The following MEMO1 variants were observed in gnomAD, a reference collection of about 807,000 sequenced individuals.
MEMO1 encodes protein MEMO1.
Under a neutral mutation model 45.2 loss-of-function variants are expected in MEMO1, and 6 were observed. That is an observed-to-expected ratio of 0.13 (90% CI 0.07 to 0.26). MEMO1 has a LOEUF of 0.26. Ranked by LOEUF, MEMO1 falls within the 10% of genes least tolerant of loss-of-function variation. The probability of loss-of-function intolerance (pLI) is 1.00; values close to 1 mark genes in which losing one functional copy is unlikely to be tolerated. For missense variants in MEMO1, 184 were observed against 370.5 expected (o/e 0.50, Z 4.13); for synonymous variants, 78 against 124.3 (o/e 0.63, Z 2.48).
intron 6 of MEMO1, among the ~76,000 whole-genome samples, chr2:31,893,983 C>G (rs1337246132): frequency 6.6e-6 from 1 of 152,102 alleles, no homozygotes; most frequent in South Asian, 2.1e-4. Flanking sequence ...GACAAATACT[C>G]ATGAATTAGA....
At chr2:32,001,635 C>CA (rs1673330072) in intron 2 of MEMO1, among the ~76,000 whole-genome samples, 1 of 152,078 alleles carries the variant, frequency 6.6e-6, no homozygotes. Context: ...ACGACTCATA[C>CA]AAGCCTCCTC....
At chr2:31,939,464 A>C (rs574461524) in intron 3 of MEMO1, among the ~76,000 whole-genome samples, 75 of 152,262 alleles carry the variant, frequency 4.9e-4, no homozygotes, top group African/African-American at 1.7e-3. Context: ...TTCCAATTTA[A>C]AATTAATTAC....
intron 2 of MEMO1, among the ~76,000 whole-genome samples, chr2:31,992,468 GATAAAAGACT>G (rs1464381890): frequency 6.6e-6 from 1 of 152,132 alleles, no homozygotes; most frequent in African/African-American, 2.4e-5. Flanking sequence ...ATTCCAAATG[GATAAAAGACT>G]GAAATGTCAA....
chr2:31,933,268 G>A (rs1664402645), intron 3 of MEMO1, among the ~76,000 whole-genome samples: 1 of 118,550 alleles, frequency 8.4e-6, no homozygotes, highest in African/African-American at 3.2e-5. Context: ...AGTGAGCTAT[G>A]ATCACGCCCA....
chr2:31,982,307 A>G (rs542666124), intron 2 of MEMO1, among the ~76,000 whole-genome samples: 1 of 150,846 alleles, frequency 6.6e-6, no homozygotes, highest in African/African-American at 2.4e-5. Context: ...GAAAAAAAAA[A>G]AAGGCCAGAC....
intron 8 of MEMO1, among the ~76,000 whole-genome samples, chr2:31,881,495 TAAAA>T (rs34058748): frequency 1.6e-4 from 11 of 68,428 alleles, no homozygotes; most frequent in Admixed American, 2.1e-4. Flanking sequence ...AGCCTGTCTT[TAAAA>T]AAAAAAAAAA....
At chr2:31,969,315 CAT>C (rs755079573) in intron 2 of MEMO1, among the ~76,000 whole-genome samples, 1 of 149,456 alleles carries the variant, frequency 6.7e-6, no homozygotes, top group African/African-American at 2.5e-5. Flanking sequence ...CACATATATA[CAT>C]GTGTGATATG....
intron 6 of MEMO1, 24 bp from the exon 7 acceptor site, chr2:31,892,158 A>G: frequency 6.4e-7 from 1 of 1,569,416 alleles, no homozygotes; most frequent in Non-Finnish European, 8.6e-7. Context: ...GAAAAAAAAA[A>G]AATGTCATTT....
intron 2 of MEMO1, among the ~76,000 whole-genome samples, chr2:31,983,528 G>A (rs555139371): frequency 3.0e-4 from 46 of 152,080 alleles, no homozygotes; most frequent in African/African-American, 9.6e-4. Flanking sequence ...TCCGCCTTCC[G>A]GGTTCAAGCG....
intron 3 of MEMO1, among the ~76,000 whole-genome samples, chr2:31,941,823 A>G (rs1665652731): frequency 6.6e-6 from 1 of 152,240 alleles, no homozygotes; most frequent in African/African-American, 2.4e-5. Flanking sequence ...TTAGATATAC[A>G]AATAAGGCAT....
chr2:31,935,550 T>C lies in MEMO1; in HGVS notation c.144-3415A>G, dbSNP rs75818618. On this transcript the variant is annotated intron_variant, in intron 3 of 9. Coordinates refer to ENST00000404530, the MANE Select transcript of MEMO1 (RefSeq NM_001301833.4). ...AACTTCGAGGCTACACTGCAGAGTA[T>C]TGAAAAAAAAAATCTGTCAGTGCAC... Among the ~76,000 whole-genome samples the C allele has an allele frequency of 8.1e-3, 1,230 of 151,912 alleles. 13 individuals are homozygous for C. The highest frequency in any genetic ancestry group is 0.012 in the Non-Finnish European group (807 of 67,926).
intron 2 of MEMO1, among the ~76,000 whole-genome samples, chr2:31,998,610 C>T (rs560876621): frequency 3.0e-4 from 46 of 152,120 alleles, no homozygotes; most frequent in Middle Eastern, 3.4e-3. Context: ...ACCAACCTGG[C>T]CAACATAGAG....
At chr2:31,904,650 G>A (rs1252027925) in intron 6 of MEMO1, among the ~76,000 whole-genome samples, 1 of 152,146 alleles carries the variant, frequency 6.6e-6, no homozygotes. Flanking sequence ...GGTAATGCTC[G>A]CTGGCCCACC....
intron 2 of MEMO1, among the ~76,000 whole-genome samples, chr2:31,984,472 C>G (rs1032814436): frequency 6.6e-6 from 1 of 152,146 alleles, no homozygotes; most frequent in African/African-American, 2.4e-5. Flanking sequence ...GACAGGCTCA[C>G]TAAACACGAT....
At chr2:31,977,587 C>T (rs1259783626) in intron 2 of MEMO1, among the ~76,000 whole-genome samples, 2 of 152,146 alleles carry the variant, frequency 1.3e-5, no homozygotes, top group Non-Finnish European at 2.9e-5. Flanking sequence ...GATCTCAGCT[C>T]ACCACAACCT....
At chr2:31,946,263 A>G (rs1233800183) in intron 2 of MEMO1, among the ~76,000 whole-genome samples, 5 of 151,990 alleles carry the variant, frequency 3.3e-5, no homozygotes, top group African/African-American at 4.8e-5. Context: ...TTTATTTTGT[A>G]TTTGTGTTTC....
Position 31,920,910 on chromosome 2 carries a change from G to A in MEMO1, c.213C>T (p.Thr71=). The change falls in exon 5 of 10, where the codon ACC becomes ACT. Residue 71 remains threonine, a splice_region_variant and synonymous_variant. Coordinates refer to ENST00000404530, the MANE Select transcript of MEMO1 (RefSeq NM_001301833.4). Reference sequence around the variant, plus strand: ...AAGGCCCAAGGATGAAAATTCTCCGGCTAGGAGATACACAACAAAAAAACA... The same window carrying A: ...AAGGCCCAAGGATGAAAATTCTCCGACTAGGAGATACACAACAAAAAAACA... ...HAYKQVDPSI[T]RRIFILGPSH... is the part of the protein sequence containing the mutation. 6.2e-7 allele frequency: 1 copy of A among 1,601,158 alleles called. No homozygotes were observed. The highest frequency in any genetic ancestry group is 1.1e-5 in the South Asian group (1 of 89,902).
intron 3 of MEMO1, among the ~76,000 whole-genome samples, chr2:31,936,904 G>A (rs1034919484): frequency 6.6e-6 from 1 of 152,204 alleles, no homozygotes; most frequent in Admixed American, 6.5e-5. Context: ...GATTGAACTA[G>A]ATGAAATGAG....
intron 2 of MEMO1, among the ~76,000 whole-genome samples, chr2:31,969,591 GTGT>G (rs1558542036): frequency 2.9e-4 from 12 of 42,030 alleles, no homozygotes; most frequent in African/African-American, 4.0e-4. Flanking sequence ...GTGTGGGTGT[GTGT>G]GTGTGTGTGT....
Sources: allele counts gnomAD v4.1 joint callset (sites outside exome capture counted in the v4.1 genomes callset), GRCh38; gene constraint gnomAD v4.1.1; transcripts MANE v1.5; gene names NCBI Gene and HGNC (gene_info 2026-07-23, HGNC 2026-07-21).